ABCC1: variants seen among roughly 807,000 people sequenced by gnomAD.
ABCC1 encodes the protein ATP binding cassette subfamily C member 1 (ABCC1 blood group).
ABCC1 carries 83 observed loss-of-function variants against 172.9 expected under a neutral mutation model. The ratio of observed to expected loss-of-function variants is 0.48; its 90% CI spans 0.40 to 0.58. The LOEUF is 0.58. ABCC1 is among the 20% of genes least tolerant of loss of function. The pLI, the probability that ABCC1 is intolerant of heterozygous loss-of-function variation, is 0.00. For synonymous variants in ABCC1, 937 were observed against 825.2 expected (o/e 1.14, Z -2.32); for missense variants, 1,817 against 2,002.7 (o/e 0.91, Z 1.77).
intron 1 of ABCC1, among the ~76,000 whole-genome samples, chr16:15,988,025 G>A (rs8059482): frequency 0.02 from 3,003 of 152,152 alleles, 98 homozygotes; most frequent in African/African-American, 0.069. Context: ...TGGTGTGATC[G>A]CAGATCACTG....
intron 12 of ABCC1, among the ~76,000 whole-genome samples, chr16:16,067,090 A>C (rs1476140132): frequency 1.3e-5 from 2 of 151,926 alleles, no homozygotes; most frequent in African/African-American, 4.8e-5. Context: ...GTCTCTACAA[A>C]AATAAAAAAA....
chr16:16,115,299 C>T (rs545309840), intron 23 of ABCC1, among the ~76,000 whole-genome samples: 53 of 152,218 alleles, frequency 3.5e-4, no homozygotes, highest in Non-Finnish European at 6.9e-4. Context: ...ACTTTTCCAC[C>T]TGTCAATTCA....
Position 16,114,851 on chromosome 16 carries a change from C to T in ABCC1, c.3165C>T (p.Ser1055=). 2 of 1,614,008 alleles carry T rather than the reference C, an allele frequency of 1.2e-6. No individual in the cohort carries two copies. The highest frequency in any genetic ancestry group is 1.7e-5 in the Admixed American group (1 of 60,010). ...SRCLHVDLLH[S]ILRSPMSFFE... ...GTCTGCACGTGGACCTGCTGCACAG[C>T]ATCCTGCGGTCACCCATGAGCTTCT... The change falls in exon 23 of 31, where the codon AGC becomes AGT. Residue 1055 remains serine (S), a synonymous_variant. Coordinates refer to ENST00000399410, the MANE Select transcript of ABCC1 (RefSeq NM_004996.4).
At chr16:16,122,220 G>C (rs1214558902) in intron 24 of ABCC1, 46 bp downstream of exon 24, 5 of 1,598,520 alleles carry the variant, frequency 3.1e-6, no homozygotes, top group Middle Eastern at 1.8e-4. Context: ...GGCCGCCTTA[G>C]CACCTTGTCT....
intron 1 of ABCC1, among the ~76,000 whole-genome samples, chr16:15,967,926 C>T (rs761324750): frequency 5.3e-5 from 8 of 152,104 alleles, no homozygotes; most frequent in Non-Finnish European, 7.3e-5. Flanking sequence ...CTTAAAGGGA[C>T]GTCTTTTCTC....
chr16:16,138,455 C>G lies in ABCC1; in HGVS notation c.4384C>G (p.Leu1462Val), dbSNP rs1290140863. The G allele has an allele frequency of 6.2e-7, 1 of 1,613,416 alleles. No homozygotes were observed. Among genetic ancestry groups the G allele is most frequent in the Admixed American group, 1.7e-5 (1 of 59,998 alleles). Residue 1462 changes from leucine to valine, a missense_variant, in exon 30 of 31, where the codon CTG (leucine) becomes GTG (valine). Around this residue, in one of 3 missense-constraint regions of ABCC1, gnomAD observed 1,412 missense variants for 1,600.3 expected, o/e 0.88. Coordinates refer to ENST00000399410, the MANE Select transcript of ABCC1 (RefSeq NM_004996.4). ...VLDEATAAVD[L>V]ETDDLIQSTI... ...GGATGAGGCCACGGCAGCCGTGGACCTGGAAACGGACGACCTCATCCAGTC... is the reference window on the plus strand; with the variant it reads ...GGATGAGGCCACGGCAGCCGTGGACGTGGAAACGGACGACCTCATCCAGTC...
chr16:16,048,568 A>G (rs1022402020), intron 10 of ABCC1, among the ~76,000 whole-genome samples: 1 of 152,156 alleles, frequency 6.6e-6, no homozygotes, highest in African/African-American at 2.4e-5. Context: ...CTACCCTACA[A>G]TGGACGACAC....
intron 1 of ABCC1, among the ~76,000 whole-genome samples, chr16:15,998,688 G>A (rs144254815): frequency 1.3e-4 from 20 of 152,172 alleles, no homozygotes. Flanking sequence ...CTTTCTGCAG[G>A]GGAAACACCT....
chr16:16,104,125 C>A (rs747010329), intron 20 of ABCC1, among the ~76,000 whole-genome samples: 2 of 151,876 alleles, frequency 1.3e-5, no homozygotes, highest in African/African-American at 4.8e-5. Flanking sequence ...GTGAGTGTTA[C>A]AGCTCACAAA....
At chr16:16,110,217 C>T (rs1393536301) in intron 21 of ABCC1, among the ~76,000 whole-genome samples, 1 of 151,788 alleles carries the variant, frequency 6.6e-6, no homozygotes, top group Non-Finnish European at 1.5e-5. Context: ...CCTTGTGCCT[C>T]AGCCTACAGG....
intron 5 of ABCC1, among the ~76,000 whole-genome samples, chr16:16,030,618 T>C (rs1404889665): frequency 1.3e-5 from 2 of 151,952 alleles, no homozygotes; most frequent in Non-Finnish European, 2.9e-5. Context: ...TCTTTTAGCC[T>C]GCAGCGGCCA....
chr16:16,016,428 A>G, intron 4 of ABCC1, 68 bp from the exon 5 acceptor site: 6 of 1,593,008 alleles, frequency 3.8e-6, no homozygotes, highest in Non-Finnish European at 5.1e-6. Flanking sequence ...TGCTAGGATT[A>G]CAGGCGTGAG....
At chr16:16,089,753 T>G (rs1410302075) in intron 18 of ABCC1, among the ~76,000 whole-genome samples, 1 of 150,252 alleles carries the variant, frequency 6.7e-6, no homozygotes, top group Non-Finnish European at 1.5e-5. Context: ...GGCGGGCGCA[T>G]GTAATCCCAG....
chr16:15,979,731 G>A (rs2046577461), intron 1 of ABCC1, among the ~76,000 whole-genome samples: 1 of 152,036 alleles, frequency 6.6e-6, no homozygotes, highest in South Asian at 2.1e-4. Flanking sequence ...TCCCATCTTG[G>A]CCTTCCAGAG....
At chr16:16,011,764 G>A (rs866507774) in intron 3 of ABCC1, among the ~76,000 whole-genome samples, 1 of 152,070 alleles carries the variant, frequency 6.6e-6, no homozygotes, top group Middle Eastern at 3.4e-3. Flanking sequence ...CTGCCTCCTG[G>A]ATTCAAGCGA....
At chr16:15,962,854 CT>C (rs1374090804) in intron 1 of ABCC1, among the ~76,000 whole-genome samples, 1 of 152,190 alleles carries the variant, frequency 6.6e-6, no homozygotes, top group African/African-American at 2.4e-5. Flanking sequence ...CATTCTGCCC[CT>C]GGCCCCTCCC....
At position 16,114,788 on chromosome 16, in the gene ABCC1, C is replaced by A. The variant is rs749957423; in HGVS notation, c.3102C>A (p.Ser1034=). Residue 1034 remains serine, a synonymous_variant, in exon 23 of 31, where the codon TCC becomes TCA. Coordinates refer to ENST00000399410, the MANE Select transcript of ABCC1 (RefSeq NM_004996.4). ...CAGGGATCGCCGTGTTTGGCTACTC[C>A]ATGGCCGTGTCCATCGGGGGGATCT... ...ISQGIAVFGY[S]MAVSIGGILA... is the part of the protein sequence containing the mutation. 6.2e-7 allele frequency: 1 copy of A among 1,604,592 alleles called. No individual in the cohort carries two copies. The highest frequency in any genetic ancestry group is 1.1e-5 in the South Asian group (1 of 90,886).
At chr16:16,001,647 T>C (rs892085266) in intron 1 of ABCC1, among the ~76,000 whole-genome samples, 2 of 152,156 alleles carry the variant, frequency 1.3e-5, no homozygotes, top group East Asian at 3.8e-4. Context: ...TGCTTTTAAA[T>C]CCATATGGAA....
chr16:16,059,162 C>G (rs2049799067), intron 12 of ABCC1, among the ~76,000 whole-genome samples: 1 of 152,200 alleles, frequency 6.6e-6, no homozygotes, highest in African/African-American at 2.4e-5. Context: ...TCACCTGGTG[C>G]TTGTTAACGG....
Sources: allele counts gnomAD v4.1 joint callset (sites outside exome capture counted in the v4.1 genomes callset), GRCh38; gene constraint gnomAD v4.1.1; regional missense constraint gnomAD v4.1.1; transcripts MANE v1.5; gene names NCBI Gene and HGNC (gene_info 2026-07-23, HGNC 2026-07-21).